Variants in ACKR2 observed in about 807,000 individuals in gnomAD.
ACKR2 encodes the protein C-C chemokine receptor D6.
For synonymous variants in ACKR2, 207 were observed against 192.2 expected (o/e 1.08, Z -0.64); for missense variants, 457 against 477.3 (o/e 0.96, Z 0.40).
chr3:42,825,860 T>TG (rs764738704), intron 2 of ACKR2, among the ~76,000 whole-genome samples: 22 of 103,748 alleles, frequency 2.1e-4, no homozygotes, highest in Middle Eastern at 4.7e-3. Context: ...GGTTTTTTTT[T>TG]TTTTGTTTTT....
Position 42,810,819 on chromosome 3 carries a change from AT to A in ACKR2, c.-119+1290del, listed in dbSNP as rs368840582. Among the ~76,000 whole-genome samples, 11 of 152,334 alleles carry A rather than the reference AT, an allele frequency of 7.2e-5. No individual in the cohort carries two copies. In the East Asian group the frequency reaches 2.1e-3, roughly 29 times the overall value. ...TAAAAATCCTTTGTTCGAGTGTTCA[AT>A]TTCCTTAAAATTGTAAGGGTGATTC... On this transcript the variant is annotated intron_variant, in intron 1 of 2. Coordinates refer to ENST00000422265, the MANE Select transcript of ACKR2 (RefSeq NM_001296.5).
At position 42,842,402 on chromosome 3, in the gene ACKR2, C is replaced by T. The variant is rs1701047831; in HGVS notation, c.-37-22064C>T. Among the ~76,000 whole-genome samples, 3 of 152,164 alleles carry T rather than the reference C, an allele frequency of 2.0e-5. No individual in the cohort carries two copies. The South Asian group carries it at 6.2e-4, about 32-fold the overall frequency. ...TTGATTTATAGAAGATATATTTATACAATAATACATAGTATAGGTGGTAGA... is the reference window on the plus strand; with the variant it reads ...TTGATTTATAGAAGATATATTTATATAATAATACATAGTATAGGTGGTAGA... On this transcript the variant is annotated intron_variant, in intron 2 of 2. Coordinates refer to ENST00000422265, the MANE Select transcript of ACKR2 (RefSeq NM_001296.5).
rs763307436 is a variant in ACKR2 at position 42,864,733 on chromosome 3, C to G, written c.231C>G (p.Arg77=). The G allele has an allele frequency of 8.7e-6, 14 of 1,614,234 alleles. No homozygotes were observed. In the East Asian group the frequency reaches 3.1e-4, roughly 36 times the overall value. ...LLMVLLRYVP[R]RRMVEIYLLN... The stretch of plus-strand genomic sequence containing the variant: ...TGGTCTTGCTCCGTTACGTGCCTCG[C>G]AGGCGGATGGTTGAGATCTATCTGC... The change falls in exon 3 of 3, where the codon CGC becomes CGG. Residue 77 remains arginine, a synonymous_variant. Coordinates refer to ENST00000422265, the MANE Select transcript of ACKR2 (RefSeq NM_001296.5).
chr3:42,861,239 A>G (rs1175167963), intron 2 of ACKR2, among the ~76,000 whole-genome samples: 2 of 152,250 alleles, frequency 1.3e-5, no homozygotes, highest in Admixed American at 1.3e-4. Context: ...AAACACCTCT[A>G]CACAAATAAG....
At chr3:42,838,677 C>T (rs1395218364) in intron 2 of ACKR2, among the ~76,000 whole-genome samples, 1 of 152,208 alleles carries the variant, frequency 6.6e-6, no homozygotes, top group Non-Finnish European at 1.5e-5. Flanking sequence ...GCTTACCATT[C>T]AACATAGTCA....
chr3:42,827,790 C>T (rs958232310), intron 2 of ACKR2, among the ~76,000 whole-genome samples: 1 of 152,144 alleles, frequency 6.6e-6, no homozygotes, highest in Non-Finnish European at 1.5e-5. Flanking sequence ...GAGGCTGGAA[C>T]AGCCCTCAGG....
At chr3:42,851,636 G>C (rs965030114) in intron 2 of ACKR2, among the ~76,000 whole-genome samples, 2 of 152,030 alleles carry the variant, frequency 1.3e-5, no homozygotes, top group African/African-American at 4.8e-5. Context: ...CACCTGGAGA[G>C]TGATGGGTCT....
chr3:42,854,125 TG>T (rs1266226742), intron 2 of ACKR2, among the ~76,000 whole-genome samples: 1 of 152,054 alleles, frequency 6.6e-6, no homozygotes, highest in Non-Finnish European at 1.5e-5. Flanking sequence ...GAGGGTTCGC[TG>T]AGTCAAGCAG....
intron 1 of ACKR2, among the ~76,000 whole-genome samples, chr3:42,813,711 T>A (rs563232327): frequency 6.6e-6 from 1 of 152,344 alleles, no homozygotes; most frequent in East Asian, 1.9e-4. Flanking sequence ...ATTCAAGAGT[T>A]TGTAACTTGG....
rs138890782 is a variant in ACKR2 at position 42,865,461 on chromosome 3, G to T, written c.959G>T (p.Arg320Leu). The change falls in exon 3 of 3, where the codon CGC becomes CTC. Residue 320 changes from arginine (R) to leucine (L), a missense_variant. Coordinates refer to ENST00000422265, the MANE Select transcript of ACKR2 (RefSeq NM_001296.5). ...ILYAFSSHRFRQYLKAFLAAV... is the reference protein window; with the variant it reads ...ILYAFSSHRFLQYLKAFLAAV... ...TATGCCTTCTCCAGTCACCGCTTCC[G>T]CCAGTACCTGAAGGCTTTCCTGGCT... 1.2e-6 allele frequency: 2 copies of T among 1,613,912 alleles called. No homozygotes were observed. The highest frequency in any genetic ancestry group is 1.3e-5 in the African/African-American group (1 of 74,854).
intron 1 of ACKR2, among the ~76,000 whole-genome samples, chr3:42,816,946 C>T (rs1033931060): frequency 3.3e-5 from 5 of 152,154 alleles, no homozygotes; most frequent in African/African-American, 1.2e-4. Context: ...GGAAAAGGCA[C>T]TGGCTTTGGG....
intron 2 of ACKR2, chr3:42,856,603 A>T: frequency 1.8e-6 from 1 of 548,328 alleles, no homozygotes; most frequent in Non-Finnish European, 3.2e-6. Context: ...AAGAATAAAT[A>T]ATTTACAGAA....
chr3:42,842,145 G>T (rs1701045269), intron 2 of ACKR2, among the ~76,000 whole-genome samples: 1 of 152,186 alleles, frequency 6.6e-6, no homozygotes, highest in African/African-American at 2.4e-5. Context: ...GCCTTTCTGG[G>T]CATTAGAAAC....
chr3:42,857,788 A>T, intron 2 of ACKR2, among the ~76,000 whole-genome samples: 1 of 152,258 alleles, frequency 6.6e-6, no homozygotes, highest in East Asian at 1.9e-4. Context: ...GAGTAAAGAA[A>T]ACCCAAAGCC....
chr3:42,856,430 G>T (rs894001259), intron 2 of ACKR2: 9 of 701,886 alleles, frequency 1.3e-5, no homozygotes, highest in Non-Finnish European at 2.3e-5. Flanking sequence ...AGATACTTTG[G>T]GTCAACTGAG....
At chr3:42,834,177 C>T (rs903651865) in intron 2 of ACKR2, among the ~76,000 whole-genome samples, 7 of 152,040 alleles carry the variant, frequency 4.6e-5, no homozygotes, top group African/African-American at 1.7e-4. Context: ...AGGCTGGTCT[C>T]GAACTCCTGA....
Position 42,831,038 on chromosome 3 carries a change from A to G in ACKR2, c.-38+11327A>G, listed in dbSNP as rs111705321. 1.4e-3 allele frequency among the ~76,000 whole-genome samples: 209 copies of G among 152,236 alleles called. 2 individuals carry two copies. Among genetic ancestry groups the G allele is most frequent in the African/African-American group, 4.7e-3 (196 of 41,534 alleles). The stretch of plus-strand genomic sequence containing the variant: ...TGAAATTAAACTTCAGGCAAAAAAA[A>G]TAAAAAAAAAGAGAAGAAAAGAAAA... On this transcript the variant is annotated intron_variant, in intron 2 of 2. Coordinates refer to ENST00000422265, the MANE Select transcript of ACKR2 (RefSeq NM_001296.5).
chr3:42,826,192 A>G (rs1259800017), intron 2 of ACKR2, among the ~76,000 whole-genome samples: 1 of 152,100 alleles, frequency 6.6e-6, no homozygotes. Flanking sequence ...TATATGGTCC[A>G]TAAGGGATAT....
chr3:42,828,101 T>TTTTTTTC (rs1381735003), intron 2 of ACKR2, among the ~76,000 whole-genome samples: 118 of 144,632 alleles, frequency 8.2e-4, no homozygotes, highest in African/African-American at 2.6e-3. Flanking sequence ...TATTTTTTTT[T>TTTTTTTC]TTTTCTTTTC....
Sources: allele counts gnomAD v4.1 joint callset (sites outside exome capture counted in the v4.1 genomes callset), GRCh38; gene constraint gnomAD v4.1.1; transcripts MANE v1.5; gene names NCBI Gene and HGNC (gene_info 2026-07-23, HGNC 2026-07-21).